Variants in LMO1 observed in about 807,000 individuals in gnomAD.
LMO1 encodes LIM domain only 1, also known as rhombotin-1.
LMO1 carries 10 observed loss-of-function variants against 18.0 expected under a neutral mutation model. The ratio of observed to expected loss-of-function variants is 0.55; its 90% CI spans 0.34 to 0.94. LMO1 has a LOEUF of 0.94. LMO1 is among the 40% of genes least tolerant of loss of function. LMO1 has a pLI of 0.02. For missense variants in LMO1, 183 were observed against 205.7 expected (o/e 0.89, Z 0.68); for synonymous variants, 77 against 77.9 (o/e 0.99, Z 0.06).
intron 1 of LMO1, among the ~76,000 whole-genome samples, chr11:8,243,945 G>A (rs1489178724): frequency 6.6e-6 from 1 of 152,158 alleles, no homozygotes; most frequent in Non-Finnish European, 1.5e-5. Flanking sequence ...TCTCTGGGTG[G>A]GGAAGCTGGT....
chr11:8,259,736 T>C (rs577021943), intron 1 of LMO1, among the ~76,000 whole-genome samples: 4 of 152,232 alleles, frequency 2.6e-5, no homozygotes, highest in African/African-American at 9.6e-5. Flanking sequence ...TGAGTGTCTA[T>C]CCTAGGAAAT....
chr11:8,241,369 C>T (rs76537973), intron 1 of LMO1, among the ~76,000 whole-genome samples: 4 of 152,246 alleles, frequency 2.6e-5, no homozygotes, highest in Admixed American at 1.3e-4. Context: ...ATTCTTCACA[C>T]GGCAGCTGGA....
At chr11:8,225,886 T>TGG (rs897877973) in intron 3 of LMO1, among the ~76,000 whole-genome samples, 2 of 152,206 alleles carry the variant, frequency 1.3e-5, no homozygotes, top group Non-Finnish European at 2.9e-5. Context: ...CTACCTGACC[T>TGG]GGGGGCTCCT....
intron 1 of LMO1, among the ~76,000 whole-genome samples, chr11:8,253,795 C>A (rs567022712): frequency 1.1e-4 from 17 of 152,036 alleles, no homozygotes; most frequent in Non-Finnish European, 2.2e-4. Flanking sequence ...TCTGGGGTAC[C>A]CCACGAATTT....
Position 8,224,530 on chromosome 11 carries a change from G to T in LMO1, c.*86C>A. On this transcript the variant is annotated 3_prime_UTR_variant, in exon 4 of 4. Coordinates refer to ENST00000335790, the MANE Select transcript of LMO1 (RefSeq NM_002315.3). ...TGGCAGGAGAGCGGCTGGCCAGCCT[G>T]CACTGGTAGAGTGGCTGGCTGGCCG... 1.3e-6 allele frequency: 1 copy of T among 773,982 alleles called. No individual in the cohort carries two copies. Among genetic ancestry groups the T allele is most frequent in the Non-Finnish European group, 2.2e-6 (1 of 458,412 alleles). 47.9% of individuals were successfully genotyped at this position (773,982 alleles called of 1,614,324 possible).
At chr11:8,226,633 A>G (rs546830375) in intron 3 of LMO1, among the ~76,000 whole-genome samples, 1 of 152,318 alleles carries the variant, frequency 6.6e-6, no homozygotes, top group South Asian at 2.1e-4. Flanking sequence ...TATTAATTCC[A>G]TCATGCACAT....
At chr11:8,268,576 C>A, upstream of LMO1, 1 of 674,156 alleles carries the variant, frequency 1.5e-6, no homozygotes, top group Non-Finnish European at 2.1e-6. Context: ...GAGCCGCGAC[C>A]GCCGACGGGG....
Position 8,230,407 on chromosome 11 carries a change from G to T in LMO1, c.123C>A (p.Asp41Glu). The T allele has an allele frequency of 1.2e-6, 2 of 1,614,056 alleles. No homozygotes were observed. The highest frequency in any genetic ancestry group is 1.7e-6 in the Non-Finnish European group (2 of 1,179,902). ...IKDRYLLKAL[D>E]KYWHEDCLKC... ...TGAGGCAGTCTTCGTGCCAGTACTT[G>T]TCCAATGCCTTCAGCAGATAGCGGT... is the stretch of plus-strand genomic sequence containing the variant. Residue 41 changes from aspartate to glutamate, a missense_variant, in exon 2 of 4, where the codon GAC (aspartate) becomes GAA (glutamate). Physicochemically the swap from Asp to Glu is conservative, Grantham distance 45 (BLOSUM62 2). Transcript: ENST00000335790.
intron 1 of LMO1, among the ~76,000 whole-genome samples, chr11:8,250,172 T>C (rs1042143062): frequency 6.6e-6 from 1 of 152,214 alleles, no homozygotes; most frequent in Non-Finnish European, 1.5e-5. Context: ...TTTTTGCCAC[T>C]GTCAGGATTT....
intron 1 of LMO1, among the ~76,000 whole-genome samples, chr11:8,245,654 G>A (rs562050156): frequency 4.6e-5 from 7 of 152,268 alleles, no homozygotes; most frequent in Admixed American, 1.3e-4. Flanking sequence ...CCTCCCTTCC[G>A]GAAGTTCGGA....
intron 2 of LMO1, 127 bp downstream of exon 2, chr11:8,230,164 A>G: frequency 2.5e-6 from 2 of 813,162 alleles, no homozygotes; most frequent in South Asian, 1.6e-5. Context: ...CAGGGGCAGG[A>G]CAGTCAAGAA....
chr11:8,230,377 A>T lies in LMO1; in HGVS notation c.153T>A (p.Cys51Ter). 1 of 1,614,062 alleles carries T rather than the reference A, an allele frequency of 6.2e-7. No individual in the cohort carries two copies. The highest frequency in any genetic ancestry group is 8.5e-7 in the Non-Finnish European group (1 of 1,179,916). Reference sequence around the variant, plus strand: ...CGCCCAGGCGGCAGTCACAGCAGGCACACTTGAGGCAGTCTTCGTGCCAGT... The same window carrying T: ...CGCCCAGGCGGCAGTCACAGCAGGCTCACTTGAGGCAGTCTTCGTGCCAGT... ...DKYWHEDCLK[C>*]ACCDCRLGEV... Residue 51 changes from cysteine (C) to a stop codon, truncating the protein, a stop_gained, in exon 2 of 4, where the codon TGT becomes TGA. Transcript: ENST00000335790. LOFTEE classifies it high-confidence loss of function.
chr11:8,241,633 TCTCA>T (rs1846794839), intron 1 of LMO1, among the ~76,000 whole-genome samples: 1 of 152,176 alleles, frequency 6.6e-6, no homozygotes, highest in Non-Finnish European at 1.5e-5. Flanking sequence ...CTTGGCTCCT[TCTCA>T]TCTTCAAGCT....
chr11:8,263,628 G>C lies in LMO1; in HGVS notation c.-266C>G, dbSNP rs989612549. 2.7e-5 allele frequency: 36 copies of C among 1,349,594 alleles called. No individual in the cohort carries two copies. The African/African-American group carries it at 4.6e-4, about 17-fold the overall frequency. The allele number at this position is 1,349,594 out of a possible 1,614,324, so 83.6% of individuals were successfully genotyped here. ...ATTTAGAGAGAGAGGGAGAGGGAGAGAGAAGGGGGAAAAGAGGATCAGAGC... is the reference window on the plus strand; with the variant it reads ...ATTTAGAGAGAGAGGGAGAGGGAGACAGAAGGGGGAAAAGAGGATCAGAGC... On this transcript the variant is annotated 5_prime_UTR_variant, in exon 1 of 4. Coordinates refer to ENST00000335790, the MANE Select transcript of LMO1 (RefSeq NM_002315.3).
Position 8,259,149 on chromosome 11 carries a change from A to G in LMO1, c.25+4189T>C, listed in dbSNP as rs1351985859. On this transcript the variant is annotated intron_variant, in intron 1 of 3. Transcript: ENST00000335790. ...CAAGACACCGCCATCCAAGGAGACA[A>G]TTTACAGTTGAGTTAATCTGGGTAC... Among the ~76,000 whole-genome samples, 4 of 152,216 alleles carry G rather than the reference A, an allele frequency of 2.6e-5. No homozygotes were observed. In the East Asian group the frequency reaches 7.7e-4, roughly 29 times the overall value.
Position 8,227,082 on chromosome 11 carries a change from C to T in LMO1, c.258G>A (p.Gly86=). 1.2e-6 allele frequency: 2 copies of T among 1,613,496 alleles called. No homozygotes were observed. Among genetic ancestry groups the T allele is most frequent in the Non-Finnish European group, 1.7e-6 (2 of 1,179,598 alleles). ...RDYLRLFGTT[G]NCAACSKLIP... is the part of the protein sequence containing the mutation. ...TCAGCTTGCTGCAAGCAGCACAGTT[C>T]CCTGTGGTGCCAAAGAGCCTGCCGA... The change falls in exon 3 of 4, where the codon GGG becomes GGA. Residue 86 remains glycine, a synonymous_variant. Transcript: ENST00000335790.
At chr11:8,260,248 C>T (rs1217183855) in intron 1 of LMO1, among the ~76,000 whole-genome samples, 1 of 152,210 alleles carries the variant, frequency 6.6e-6, no homozygotes, top group African/African-American at 2.4e-5. Flanking sequence ...TCTCCTTGCT[C>T]CCTTGGGATT....
upstream of LMO1, among the ~76,000 whole-genome samples, chr11:8,267,574 A>G (rs1847273944): frequency 6.6e-6 from 1 of 152,146 alleles, no homozygotes; most frequent in Admixed American, 6.5e-5. Flanking sequence ...AAAGGGTAGG[A>G]GTTGGACCCA....
At chr11:8,264,913 G>A (rs1026099338), upstream of LMO1, among the ~76,000 whole-genome samples, 1 of 152,140 alleles carries the variant, frequency 6.6e-6, no homozygotes, top group Non-Finnish European at 1.5e-5. Flanking sequence ...TTACAGGCGT[G>A]AGCTGCTGCG....
Sources: gnomAD v4.1 joint callset for allele counts (sites outside exome capture counted in the v4.1 genomes callset) on GRCh38, gnomAD v4.1.1 for gene constraint, MANE v1.5 for transcripts, NCBI Gene and HGNC (gene_info 2026-07-23, HGNC 2026-07-21) for gene names.